Variants in NRG1 observed in about 807,000 individuals in gnomAD.
NRG1 encodes the protein neuregulin 1.
Under a neutral mutation model 63.8 loss-of-function variants are expected in NRG1, and 18 were observed. The observed-to-expected ratio is 0.28, with a 90% confidence interval of 0.19 to 0.42. The LOEUF (loss-of-function observed/expected upper bound fraction) is 0.42, where lower values mean the gene tolerates loss of function less well. Ranked by LOEUF, NRG1 falls within the 10% of genes least tolerant of loss-of-function variation. The pLI, the probability that NRG1 is intolerant of heterozygous loss-of-function variation, is 1.00. For missense variants in NRG1, 762 were observed against 814.7 expected, an observed-to-expected ratio of 0.94 and a Z score of 0.79; for synonymous variants, 302 against 301.3, an observed-to-expected ratio of 1.00 and a Z score of -0.02.
At chr8:32,534,383 G>C (rs749350004) in intron 1 of NRG1, among the ~76,000 whole-genome samples, 1 of 152,070 alleles carries the variant, frequency 6.6e-6, no homozygotes, top group Non-Finnish European at 1.5e-5. Context: ...CTTCAAACAG[G>C]ATTAAATTTT....
chr8:32,378,139 TAGG>T (rs1809863418), intron 1 of NRG1, among the ~76,000 whole-genome samples: 1 of 151,946 alleles, frequency 6.6e-6, no homozygotes, highest in Non-Finnish European at 1.5e-5. Context: ...GAGAGATATT[TAGG>T]AGGTCAGTTG....
At chr8:32,681,257 T>C (rs1808535192) in intron 5 of NRG1, among the ~76,000 whole-genome samples, 1 of 152,202 alleles carries the variant, frequency 6.6e-6, no homozygotes. Context: ...TAATCTCTGC[T>C]GGTATGTTTA....
intron 1 of NRG1, among the ~76,000 whole-genome samples, chr8:32,084,493 G>T (rs1282508444): frequency 1.3e-5 from 2 of 152,090 alleles, no homozygotes; most frequent in African/African-American, 4.8e-5. Flanking sequence ...AACCAGGATT[G>T]TATGCATATC....
At chr8:31,845,932 C>T (rs1207769641) in intron 1 of NRG1, among the ~76,000 whole-genome samples, 1 of 152,104 alleles carries the variant, frequency 6.6e-6, no homozygotes, top group Non-Finnish European at 1.5e-5. Flanking sequence ...TAAGGGAAAT[C>T]AATCTTGGTT....
intron 1 of NRG1, among the ~76,000 whole-genome samples, chr8:32,521,834 G>C (rs1830373396): frequency 6.6e-6 from 1 of 152,152 alleles, no homozygotes; most frequent in Non-Finnish European, 1.5e-5. Flanking sequence ...TAATGGATGT[G>C]CCTAACTAAA....
intron 1 of NRG1, among the ~76,000 whole-genome samples, chr8:32,466,271 G>A (rs1040801070): frequency 2.0e-5 from 3 of 151,694 alleles, no homozygotes; most frequent in Non-Finnish European, 4.4e-5. Flanking sequence ...AGGCTGCAGT[G>A]AGCCATGTTT....
At chr8:32,005,268 A>AT (rs1209773997) in intron 1 of NRG1, among the ~76,000 whole-genome samples, 1 of 151,946 alleles carries the variant, frequency 6.6e-6, no homozygotes, top group African/African-American at 2.4e-5. Context: ...TCAGCTCCAT[A>AT]TGCTACAGAG....
chr8:31,895,036 T>C (rs1177510353), intron 1 of NRG1, among the ~76,000 whole-genome samples: 4 of 152,230 alleles, frequency 2.6e-5, no homozygotes, highest in Non-Finnish European at 5.9e-5. Context: ...TTAAACCATG[T>C]CTTAGCTTCA....
intron 1 of NRG1, among the ~76,000 whole-genome samples, chr8:32,408,575 G>T (rs1350342333): frequency 6.8e-6 from 1 of 148,134 alleles, no homozygotes; most frequent in Non-Finnish European, 1.5e-5. Flanking sequence ...TGCAGAGGGG[G>T]AAATCTCCAA....
intron 1 of NRG1, among the ~76,000 whole-genome samples, chr8:32,012,548 G>A (rs1011713787): frequency 2.6e-5 from 4 of 152,074 alleles, no homozygotes; most frequent in African/African-American, 9.7e-5. Flanking sequence ...ATGCTTTTCA[G>A]TACTTAGAGG....
intron 2 of NRG1, among the ~76,000 whole-genome samples, chr8:32,597,002 C>T (rs1843475544): frequency 6.6e-6 from 1 of 152,170 alleles, no homozygotes; most frequent in African/African-American, 2.4e-5. Flanking sequence ...ATCATCCCTA[C>T]ACTCTTCATT....
rs1554546948 is a variant in NRG1, at chr8:31,834,298, C to CACAT, written c.37+194867_37+194868insACAT. On this transcript the variant is annotated intron_variant, in intron 1 of 10. Transcript: ENST00000519301. ...GTAGATCTCCCTTCATGCGTGTGCG[C>CACAT]GCACGCGCGCACACACACACACACA... Among the ~76,000 whole-genome samples the CACAT allele has an allele frequency of 6.0e-4, 13 of 21,820 alleles. No individual in the cohort carries two copies. The East Asian group carries it at 0.023, about 38-fold the overall frequency. 14.3% of individuals were successfully genotyped at this position (21,820 alleles called of 152,430 possible).
At chr8:32,461,458 G>A (rs980896184) in intron 1 of NRG1, among the ~76,000 whole-genome samples, 1 of 152,162 alleles carries the variant, frequency 6.6e-6, no homozygotes, top group African/African-American at 2.4e-5. Context: ...CAGCACTTTG[G>A]GAGGCCGAGG....
At chr8:32,687,614 A>G (rs1395319292) in intron 5 of NRG1, among the ~76,000 whole-genome samples, 2 of 152,102 alleles carry the variant, frequency 1.3e-5, no homozygotes, top group Non-Finnish European at 2.9e-5. Flanking sequence ...GCCTGGGGAG[A>G]TGATCTGAAT....
intron 1 of NRG1, among the ~76,000 whole-genome samples, chr8:31,649,860 A>G (rs1346603841): frequency 1.3e-5 from 2 of 152,174 alleles, no homozygotes; most frequent in African/African-American, 4.8e-5. Context: ...CTTTTAATTG[A>G]TTTAATGTAT....
chr8:32,413,524 G>A lies in NRG1; in HGVS notation c.38-182304G>A, dbSNP rs181650859. Among the ~76,000 whole-genome samples, 436 of 152,228 alleles carry A rather than the reference G, an allele frequency of 2.9e-3. 4 individuals carry two copies. Among genetic ancestry groups the A allele is most frequent in the South Asian group, 0.022 (106 of 4,806 alleles). On this transcript the variant is annotated intron_variant, in intron 1 of 10. Coordinates refer to the NRG1 transcript ENST00000519301. ...AACTAAGAAAACCTTAATAAAGGCCGGGCGCAGTGGCTCACGCCTGTAATC... is the reference window on the plus strand; with the variant it reads ...AACTAAGAAAACCTTAATAAAGGCCAGGCGCAGTGGCTCACGCCTGTAATC...
At chr8:32,625,288 CA>C (rs1166461905) in intron 5 of NRG1, among the ~76,000 whole-genome samples, 1 of 152,178 alleles carries the variant, frequency 6.6e-6, no homozygotes, top group Non-Finnish European at 1.5e-5. Flanking sequence ...AGCAAACTCT[CA>C]AAAACCAATT....
chr8:31,654,341 G>A (rs529881410), intron 1 of NRG1, among the ~76,000 whole-genome samples: 77 of 152,304 alleles, frequency 5.1e-4, no homozygotes, highest in African/African-American at 1.7e-3. Context: ...GATAATGAAT[G>A]GGTTTGAAGC....
chr8:32,360,569 T>C (rs1807075119), intron 1 of NRG1, among the ~76,000 whole-genome samples: 1 of 152,234 alleles, frequency 6.6e-6, no homozygotes, highest in African/African-American at 2.4e-5. Context: ...AAACATTTTA[T>C]AATTGTGGAA....
Sources: allele counts gnomAD v4.1 joint callset (sites outside exome capture counted in the v4.1 genomes callset), GRCh38; gene constraint gnomAD v4.1.1; transcripts MANE v1.5; gene names NCBI Gene and HGNC (gene_info 2026-07-23, HGNC 2026-07-21).